Variants in RBM12B observed in about 807,000 individuals in gnomAD.
RBM12B encodes the protein RNA binding motif protein 12B, also known as RNA-binding protein 12B.
In RBM12B, 10 loss-of-function variants were observed where a neutral mutation model predicts 34.3. The observed-to-expected ratio is 0.29, with a 90% CI of 0.18 to 0.49. The LOEUF (loss-of-function observed/expected upper bound fraction) is 0.49. Ranked by LOEUF, RBM12B falls within the 20% of genes least tolerant of loss-of-function variation. The pLI, the probability that RBM12B is intolerant of heterozygous loss-of-function variation, is 0.99. For synonymous variants in RBM12B, 477 were observed against 437.1 expected, an observed-to-expected ratio of 1.09 and a Z score of -1.14; for missense variants, 1,139 against 1,262.7, an observed-to-expected ratio of 0.90 and a Z score of 1.48.
chr8:93,737,547 A>C (rs1304324091), intron 2 of RBM12B, among the ~76,000 whole-genome samples, 192 bp from the exon 3 acceptor site: 1 of 152,198 alleles, frequency 6.6e-6, no homozygotes, highest in Non-Finnish European at 1.5e-5. Context: ...AAGGAGATAC[A>C]ATATCCAAAT....
Position 93,736,375 on chromosome 8 carries a change from A to C in RBM12B, c.36T>G (p.Phe12Leu), listed in dbSNP as rs1812023894. ...AVVIRLLGLP[F>L]IAGPVDIRHF... The stretch of plus-strand genomic sequence containing the variant: ...GACGAATATCCACAGGCCCCGCAAT[A>C]AAAGGAAGCCCCAGTAAACGGATGA... The change falls in exon 4 of 4, where the codon TTT (phenylalanine) becomes TTG (leucine). Residue 12 changes from phenylalanine (F) to leucine (L), a missense_variant. Phe to Leu is a conservative substitution (Grantham distance 22, BLOSUM62 0). Around this residue, in one of 3 missense-constraint regions of RBM12B, gnomAD observed 216 missense variants for 292.2 expected, o/e 0.74. Transcript: ENST00000520560. 6.2e-7 allele frequency: 1 copy of C among 1,604,572 alleles called. No individual in the cohort carries two copies. The highest frequency in any genetic ancestry group is 1.3e-5 in the African/African-American group (1 of 74,082).
intron 2 of RBM12B, chr8:93,740,138 A>G (rs1812150485): frequency 2.7e-6 from 1 of 367,340 alleles, no homozygotes; most frequent in Non-Finnish European, 5.4e-6. Context: ...CCAACCCATA[A>G]TTATTCTTTA....
chr8:93,740,754 G>A (rs925629692), intron 1 of RBM12B, 58 bp from the exon 2 acceptor site: 1 of 352,606 alleles, frequency 2.8e-6, no homozygotes, highest in Admixed American at 3.8e-5. Flanking sequence ...CTAACGGCAG[G>A]AGCTACGCTA....
In RBM12B at chr8:93,734,244, A is replaced by T; in HGVS notation, c.2167T>A (p.Phe723Ile). The T allele has an allele frequency of 6.2e-7, 1 of 1,608,960 alleles. No individual in the cohort carries two copies. Among genetic ancestry groups the T allele is most frequent in the Non-Finnish European group, 8.5e-7 (1 of 1,177,676 alleles). The change falls in exon 4 of 4, where the codon TTC becomes ATC. Residue 723 changes from phenylalanine (F) to isoleucine (I), a missense_variant. Phe to Ile is a conservative substitution (Grantham distance 21, BLOSUM62 0). Coordinates refer to ENST00000520560, the MANE Select transcript of RBM12B (RefSeq NM_001377960.1). ...AAATGCTCCTGAGGTGGCCTCCGGA[A>T]ATGCTCCTGGGGTGACTGCCTGAAG... is the stretch of plus-strand genomic sequence containing the variant. ...EDFRQSPQEH[F>I]RRPPQEHFRR...
In RBM12B at chr8:93,730,133, C is replaced by T. The variant is rs965860346; in HGVS notation, c.*3272G>A. 6.6e-6 allele frequency: 1 copy of T among 152,164 alleles called. No homozygotes were observed. 9.4% of individuals were successfully genotyped at this position (152,164 alleles called of 1,614,324 possible). A position where few individuals can be genotyped will look rare whatever the true frequency, so the allele number is the denominator to read the frequency against. ...GATTAGGAATACTCAACCTGTAGTA[C>T]ATTTACTAGGATTATCAGAATTAAA... On this transcript the variant is annotated 3_prime_UTR_variant, in exon 4 of 4. Transcript: ENST00000520560.
At position 93,733,188 on chromosome 8, in the gene RBM12B, A is replaced by G. The variant is rs1189884202; in HGVS notation, c.*217T>C. The G allele has an allele frequency of 3.0e-6, 1 of 338,632 alleles. No individual in the cohort carries two copies. The allele number at this position is 338,632 out of a possible 1,614,324, so 21.0% of individuals were successfully genotyped here. A position where few individuals can be genotyped will look rare whatever the true frequency, so the allele number is the denominator to read the frequency against. On this transcript the variant is annotated 3_prime_UTR_variant, in exon 4 of 4. Transcript: ENST00000520560. ...CTTTCTCCCCATCAAAGAAAAAAAC[A>G]GCATGTGTAATTTTAAATTTGAAAA... is the stretch of plus-strand genomic sequence containing the variant.
intron 2 of RBM12B, among the ~76,000 whole-genome samples, chr8:93,739,488 C>T (rs192142015): frequency 2.0e-5 from 3 of 152,226 alleles, no homozygotes; most frequent in Admixed American, 2.0e-4. Flanking sequence ...GGTAATGTAC[C>T]ATTTATGCCT....
In RBM12B at chr8:93,728,368, A is replaced by C; in HGVS notation, c.*5037T>G. 9.8e-7 allele frequency: 1 copy of C among 1,015,252 alleles called. No individual in the cohort carries two copies. Among genetic ancestry groups the C allele is most frequent in the Non-Finnish European group, 1.4e-6 (1 of 692,586 alleles). 62.9% of individuals were successfully genotyped at this position (1,015,252 alleles called of 1,614,324 possible). A position where few individuals can be genotyped will look rare whatever the true frequency, so the allele number is the denominator to read the frequency against. ...GACTAAATTGTAGAACTTTATACTC[A>C]CTTTGCTATGTTAAGCCTCAAAGTG... On this transcript the variant is annotated 3_prime_UTR_variant, in exon 4 of 4. Transcript: ENST00000520560.
At position 93,732,373 on chromosome 8, in the gene RBM12B, A is replaced by G. The variant is rs1173416383; in HGVS notation, c.*1032T>C. The G allele has an allele frequency of 2.0e-5, 3 of 152,248 alleles. No homozygotes were observed. In the East Asian group the frequency reaches 5.8e-4, roughly 29 times the overall value. The allele number at this position is 152,248 out of a possible 1,614,324, so 9.4% of individuals were successfully genotyped here. On this transcript the variant is annotated 3_prime_UTR_variant, in exon 4 of 4. Transcript: ENST00000520560. ...CTAAATGCTGAATATCAAAGAAGTC[A>G]AAATTCAACCACACAAGTCTTAACA...
rs1811857873 is a variant in RBM12B at position 93,733,374 on chromosome 8, G to A, written c.*31C>T. The A allele has an allele frequency of 8.0e-6, 12 of 1,496,074 alleles. No homozygotes were observed. The highest frequency in any genetic ancestry group is 1.4e-5 in the African/African-American group (1 of 71,330). 92.7% of individuals were successfully genotyped at this position (1,496,074 alleles called of 1,614,324 possible). A position where few individuals can be genotyped will look rare whatever the true frequency, so the allele number is the denominator to read the frequency against. ...TATTTTACTCCATCAATACTGCAAGGAAGATAACTGAATTTAGAAATGCTC... is the reference window on the plus strand; with the variant it reads ...TATTTTACTCCATCAATACTGCAAGAAAGATAACTGAATTTAGAAATGCTC... On this transcript the variant is annotated 3_prime_UTR_variant, in exon 4 of 4. Transcript: ENST00000520560.
chr8:93,736,380 G>A lies in RBM12B; in HGVS notation c.31C>T (p.Pro11Ser), dbSNP rs1190037363. The A allele has an allele frequency of 6.2e-7, 1 of 1,602,340 alleles. No homozygotes were observed. The highest frequency in any genetic ancestry group is 8.5e-7 in the Non-Finnish European group (1 of 1,176,262). The change falls in exon 4 of 4, where the codon CCT becomes TCT. Residue 11 changes from proline (P) to serine (S), a missense_variant. This residue lies in a region of RBM12B where 216 missense variants were observed against 292.2 expected (regional missense o/e 0.74). Transcript: ENST00000520560. MAVVIRLLGL[P>S]FIAGPVDIRH... is the part of the protein sequence containing the mutation. The stretch of plus-strand genomic sequence containing the variant: ...ATATCCACAGGCCCCGCAATAAAAG[G>A]AAGCCCCAGTAAACGGATGACTACA...
rs1811793336 is a variant in RBM12B at position 93,731,555 on chromosome 8, A to G, written c.*1850T>C. On this transcript the variant is annotated 3_prime_UTR_variant, in exon 4 of 4. Transcript: ENST00000520560. Reference sequence around the variant, plus strand: ...TTCCATAGCAAGCAGGATATTCACTATTTAAAACAAATTTAAGCAGATTTC... The same window carrying G: ...TTCCATAGCAAGCAGGATATTCACTGTTTAAAACAAATTTAAGCAGATTTC... The G allele has an allele frequency of 6.6e-6, 1 of 152,222 alleles. No homozygotes were observed. The highest frequency in any genetic ancestry group is 1.5e-5 in the Non-Finnish European group (1 of 68,028). 9.4% of individuals were successfully genotyped at this position (152,222 alleles called of 1,614,324 possible).
In RBM12B at chr8:93,730,972, G is replaced by T. The variant is rs1293554209; in HGVS notation, c.*2433C>A. 1 of 152,168 alleles carries T rather than the reference G, an allele frequency of 6.6e-6. No individual in the cohort carries two copies. The highest frequency in any genetic ancestry group is 1.5e-5 in the Non-Finnish European group (1 of 68,072). 9.4% of individuals were successfully genotyped at this position (152,168 alleles called of 1,614,324 possible). A position where few individuals can be genotyped will look rare whatever the true frequency, so the allele number is the denominator to read the frequency against. On this transcript the variant is annotated 3_prime_UTR_variant, in exon 4 of 4. Coordinates refer to ENST00000520560, the MANE Select transcript of RBM12B (RefSeq NM_001377960.1). ...GGCCAGAAATTTGAGAACAGCCTGG[G>T]CAACACAGTGAGACTCTGTCTCTAC...
At position 93,735,737 on chromosome 8, in the gene RBM12B, A is replaced by G; in HGVS notation, c.674T>C (p.Val225Ala). 2 of 1,614,088 alleles carry G rather than the reference A, an allele frequency of 1.2e-6. No homozygotes were observed. The highest frequency in any genetic ancestry group is 2.2e-5 in the East Asian group (1 of 44,878). The change falls in exon 4 of 4, where the codon GTA becomes GCA. Residue 225 changes from valine to alanine, a missense_variant. Coordinates refer to ENST00000520560, the MANE Select transcript of RBM12B (RefSeq NM_001377960.1). The stretch of plus-strand genomic sequence containing the variant: ...CCACTGTTGTTCTGATCCTTGCATT[A>G]CTTCTATAAATCTTGAACCCATAAA... Reference protein sequence around the residue: ...RSFMGSRFIEVMQGSEQQWIE... With the variant: ...RSFMGSRFIEAMQGSEQQWIE...
At position 93,734,501 on chromosome 8, in the gene RBM12B, C is replaced by T. The variant is rs769729472; in HGVS notation, c.1910G>A (p.Arg637Gln). 1.4e-5 allele frequency: 22 copies of T among 1,607,580 alleles called. No homozygotes were observed. The highest frequency in any genetic ancestry group is 6.7e-5 in the African/African-American group (5 of 74,530). Residue 637 changes from arginine to glutamine, a missense_variant, in exon 4 of 4, where the codon CGG becomes CAG. By Grantham distance (43) the Arg-to-Gln change is conservative. Transcript: ENST00000520560. The part of the protein sequence containing the change: ...WRRPLEEDFR[R>Q]SPTEDFRQLP... ...CTGCCTGAAGTCCTCCGTGGGAGACCGCCTGAAATCCTCCTCCAGTGGCCG... is the reference window on the plus strand; with the variant it reads ...CTGCCTGAAGTCCTCCGTGGGAGACTGCCTGAAATCCTCCTCCAGTGGCCG...
chr8:93,734,688 A>AGTGCCTGAAGTCCTCCGGGGG lies in RBM12B; in HGVS notation c.1702_1722dup (p.Pro568_His574dup), dbSNP rs771207140. On this transcript the variant is annotated inframe_insertion, in exon 4 of 4. Transcript: ENST00000520560. ...CTAGGTCGCCTGAAGTCCTCTGGGG[A>AGTGCCTGAAGTCCTCCGGGGG]GTGCCTGAAGTCCTCCGGGGGGAAC... The AGTGCCTGAAGTCCTCCGGGGG allele has an allele frequency of 9.9e-6, 16 of 1,612,694 alleles. No homozygotes were observed. In the African/African-American group the frequency reaches 1.7e-4, roughly 18 times the overall value.
rs935274290 is a variant in RBM12B at position 93,729,331 on chromosome 8, CTT to C, written c.*4072_*4073del. Reference sequence around the variant, plus strand: ...CCTAAGTGACAAAGTTGTTTCAGTACTTTTTTGTAAAATATTTAAAACATTTT... The same window carrying C: ...CCTAAGTGACAAAGTTGTTTCAGTACTTTTGTAAAATATTTAAAACATTTT... On this transcript the variant is annotated 3_prime_UTR_variant, in exon 4 of 4. Coordinates refer to ENST00000520560, the MANE Select transcript of RBM12B (RefSeq NM_001377960.1). The C allele has an allele frequency of 6.6e-6, 1 of 152,066 alleles. No homozygotes were observed. Among genetic ancestry groups the C allele is most frequent in the Non-Finnish European group, 1.5e-5 (1 of 67,954 alleles). The allele number at this position is 152,066 out of a possible 1,614,324, so 9.4% of individuals were successfully genotyped here. A position where few individuals can be genotyped will look rare whatever the true frequency, so the allele number is the denominator to read the frequency against.
Position 93,733,317 on chromosome 8 carries a change from T to C in RBM12B, c.*88A>G. On this transcript the variant is annotated 3_prime_UTR_variant, in exon 4 of 4. Coordinates refer to ENST00000520560, the MANE Select transcript of RBM12B (RefSeq NM_001377960.1). ...AAAAATAAAATATTTCATTAGATAA[T>C]TTAAAAAAAAAACACTTTTTTAAAA... 2 of 1,064,124 alleles carry C rather than the reference T, an allele frequency of 1.9e-6. No homozygotes were observed. The highest frequency in any genetic ancestry group is 3.2e-5 in the South Asian group (1 of 31,560). 65.9% of individuals were successfully genotyped at this position (1,064,124 alleles called of 1,614,324 possible).
chr8:93,728,473 C>T lies in RBM12B; in HGVS notation c.*4932G>A, dbSNP rs1381857779. The T allele has an allele frequency of 8.5e-6, 4 of 472,406 alleles. No individual in the cohort carries two copies. Among genetic ancestry groups the T allele is most frequent in the Admixed American group, 8.5e-5 (2 of 23,568 alleles). The allele number at this position is 472,406 out of a possible 1,614,324, so 29.3% of individuals were successfully genotyped here. A position where few individuals can be genotyped will look rare whatever the true frequency, so the allele number is the denominator to read the frequency against. ...GAAGGCTTTAAAAAATATTGCATAC[C>T]AGTCATTTCAACATCCTACCTAGTG... is the stretch of plus-strand genomic sequence containing the variant. On this transcript the variant is annotated 3_prime_UTR_variant, in exon 4 of 4. Coordinates refer to ENST00000520560, the MANE Select transcript of RBM12B (RefSeq NM_001377960.1).
Sources: gnomAD v4.1 joint callset for allele counts (sites outside exome capture counted in the v4.1 genomes callset) on GRCh38, gnomAD v4.1.1 for gene constraint, gnomAD v4.1.1 regional missense constraint, MANE v1.5 for transcripts, NCBI Gene and HGNC (gene_info 2026-07-23, HGNC 2026-07-21) for gene names.